MGAM: variants seen among roughly 807,000 people sequenced by gnomAD.
MGAM encodes alpha-1,4-glucosidase.
A neutral mutation model predicts 358.8 loss-of-function variants in MGAM; 253 were observed. That is an observed-to-expected ratio of 0.71 (90% CI 0.64 to 0.78). The LOEUF (loss-of-function observed/expected upper bound fraction) is 0.78, where lower values mean the gene tolerates loss of function less well. Ranked by LOEUF, MGAM falls within the 30% of genes least tolerant of loss-of-function variation. MGAM has a pLI of 0.00. For synonymous variants in MGAM, 1,105 were observed against 1,227.1 expected (o/e 0.90, Z 2.08); for missense variants, 3,080 against 3,432.6 (o/e 0.90, Z 2.57).
chr7:142,052,089 G>C (rs1442941429), intron 24 of MGAM, among the ~76,000 whole-genome samples: 1 of 152,124 alleles, frequency 6.6e-6, no homozygotes, highest in African/African-American at 2.4e-5. Flanking sequence ...ACAAGATTGT[G>C]CTAGAGGGGA....
intron 70 of MGAM, among the ~76,000 whole-genome samples, chr7:142,104,205 AG>A (rs1420818745): frequency 2.0e-5 from 3 of 152,160 alleles, no homozygotes; most frequent in African/African-American, 7.2e-5. Flanking sequence ...TTAGCCATAA[AG>A]TTTTACCTAT....
chr7:142,099,869 G>A, intron 67 of MGAM, 132 bp downstream of exon 67: 1 of 1,363,228 alleles, frequency 7.3e-7, no homozygotes, highest in Non-Finnish European at 9.8e-7. Context: ...TTCTTTGTTT[G>A]CTTGTTTGTA....
intron 16 of MGAM, 26 bp from the exon 17 acceptor site, chr7:142,036,143 T>C (rs781946632): frequency 3.3e-6 from 5 of 1,506,988 alleles, no homozygotes; most frequent in East Asian, 2.3e-5. Flanking sequence ...AAGTGAGGTA[T>C]ACCTGTTGTC....
At position 142,059,474 on chromosome 7, in the gene MGAM, T is replaced by C. The variant is rs2960758; in HGVS notation, c.3822T>C (p.Asp1274=). 508,216 of 1,495,754 alleles carry C rather than the reference T, an allele frequency of 0.34. 98,611 individuals carry two copies. Among genetic ancestry groups the C allele is most frequent in the Non-Finnish European group, 0.37 (402,114 of 1,084,284 alleles). The allele number at this position is 1,495,754 out of a possible 1,614,324, so 92.7% of individuals were successfully genotyped here. ...CAGCTCCCCATGTCCTCCCGCAGGA[T>C]GTGCAGTACTCAGACATCGACTACA... ...DEMVAAQIPY[D]VQYSDIDYME... The change falls in exon 32 of 71, where the codon GAT becomes GAC. Residue 1274 remains aspartate, a splice_region_variant and synonymous_variant. Transcript: ENST00000475668.
intron 31 of MGAM, 91 bp from the exon 32 acceptor site, chr7:142,059,381 G>C (rs563164593): frequency 6.5e-7 from 1 of 1,528,422 alleles, no homozygotes; most frequent in African/African-American, 1.4e-5. Context: ...GAAGCTGTCT[G>C]GAATTCCACC....
In MGAM at chr7:142,067,383, C is replaced by T; in HGVS notation, c.4962C>T (p.Phe1654=). Residue 1654 remains phenylalanine (F), a synonymous_variant, in exon 42 of 71, where the codon TTC becomes TTT. Coordinates refer to ENST00000475668, the MANE Select transcript of MGAM (RefSeq NM_001365693.1). Reference sequence around the variant, plus strand: ...TGACATGGGACATAGACAGTCAGTTCCTGCTGGGCCCAGCCTTCCTGGTCA... The same window carrying T: ...TGACATGGGACATAGACAGTCAGTTTCTGCTGGGCCCAGCCTTCCTGGTCA... The part of the protein sequence containing the change: ...DQVTWDIDSQ[F]LLGPAFLVSP... 1 of 1,551,822 alleles carries T rather than the reference C, an allele frequency of 6.4e-7. No individual in the cohort carries two copies. Among genetic ancestry groups the T allele is most frequent in the Non-Finnish European group, 8.9e-7 (1 of 1,129,528 alleles).
rs780575474 is a variant in MGAM at position 142,082,149 on chromosome 7, C to G, written c.6110C>G (p.Ser2037Cys). ...LYGFGETEHT[S>C]YRRDLEWHTW... ...GGCTTTGGGGAGACTGAGCACACGT[C>G]CTACAGGAGAGACTTGGAGTGGCAC... is the stretch of plus-strand genomic sequence containing the variant. The change falls in exon 51 of 71, where the codon TCC becomes TGC. Residue 2037 changes from serine (S) to cysteine (C), a missense_variant. By Grantham distance (112) the Ser-to-Cys change is moderately radical. Coordinates refer to ENST00000475668, the MANE Select transcript of MGAM (RefSeq NM_001365693.1). 247 of 1,555,622 alleles carry G rather than the reference C, an allele frequency of 1.6e-4. 8 individuals are homozygous for G. The African/African-American group carries it at 3.1e-3, about 19-fold the overall frequency.
At chr7:142,088,746 T>TATCTATCTATCC (rs1815025296) in intron 57 of MGAM, among the ~76,000 whole-genome samples, 2 of 84,502 alleles carry the variant, frequency 2.4e-5, no homozygotes, top group Non-Finnish European at 4.5e-5. Flanking sequence ...TCTGTCTGTC[T>TATCTATCTATCC]GTCTATCTAT....
Position 142,069,284 on chromosome 7 carries a change from C to T in MGAM, c.5061+581C>T, listed in dbSNP as rs190062306. ...GCAAGTGCATTTAGAAATGAGGAAG[C>T]AATGAAGAGCTCCTTGCCGCATAGT... is the stretch of plus-strand genomic sequence containing the variant. On this transcript the variant is annotated intron_variant, in intron 43 of 70. Coordinates refer to ENST00000475668, the MANE Select transcript of MGAM (RefSeq NM_001365693.1). 3.4e-5 allele frequency among the ~76,000 whole-genome samples: 5 copies of T among 145,830 alleles called. No homozygotes were observed. In the East Asian group the frequency reaches 1.0e-3, roughly 30 times the overall value.
chr7:142,079,604 AT>A (rs1239701481), intron 49 of MGAM, among the ~76,000 whole-genome samples: 2 of 146,156 alleles, frequency 1.4e-5, no homozygotes, highest in East Asian at 4.0e-4. Context: ...ATTTAATTGC[AT>A]TTAAAGACTA....
In MGAM at chr7:142,052,997, C is replaced by T. The variant is rs1295426156; in HGVS notation, c.3159+13C>T. ...GCTGCAGTTCAAGGTAAACACAGTA[C>T]ATGTATCAGGTAGTGATTAGACCCT... On this transcript the variant is annotated intron_variant, in intron 26 of 70. Coordinates refer to ENST00000475668, the MANE Select transcript of MGAM (RefSeq NM_001365693.1). 8.7e-6 allele frequency: 14 copies of T among 1,612,350 alleles called. No individual in the cohort carries two copies. In the East Asian group the frequency reaches 1.6e-4, roughly 18 times the overall value.
rs997547129 is a variant in MGAM, at chr7:142,034,835, C to A, written c.1953C>A (p.Ile651=). 2 of 1,611,502 alleles carry A rather than the reference C, an allele frequency of 1.2e-6. No homozygotes were observed. The highest frequency in any genetic ancestry group is 1.7e-6 in the Non-Finnish European group (2 of 1,178,458). Residue 651 remains isoleucine, a synonymous_variant, in exon 16 of 71, where the codon ATC becomes ATA. Transcript: ENST00000475668. ...TGCTTGAGTTCAACCTTTTTGGCAT[C>A]CCAATGGTGAGCTGCTACCTCAAGC... The part of the protein sequence containing the change: ...PGVLEFNLFG[I]PMVGPDICGF...
chr7:141,986,596 G>A (rs543852510), intron 2 of MGAM, among the ~76,000 whole-genome samples: 2 of 152,214 alleles, frequency 1.3e-5, no homozygotes, highest in East Asian at 3.9e-4. Context: ...TTTTTCCCTT[G>A]GGGTAGGGGA....
Position 142,063,596 on chromosome 7 carries a change from C to T in MGAM, c.4345+10C>T, listed in dbSNP as rs768166937. 1 of 1,611,740 alleles carries T rather than the reference C, an allele frequency of 6.2e-7. No homozygotes were observed. Among genetic ancestry groups the T allele is most frequent in the African/African-American group, 1.3e-5 (1 of 74,890 alleles). ...CCTCCCTACATGCCACGTAAGAAGC[C>T]TTGGCCTCCTTGACTGGCAGAGCCA... is the stretch of plus-strand genomic sequence containing the variant. On this transcript the variant is annotated intron_variant, in intron 36 of 70. Coordinates refer to ENST00000475668, the MANE Select transcript of MGAM (RefSeq NM_001365693.1).
At chr7:142,060,125 G>C (rs1265933661) in intron 33 of MGAM, among the ~76,000 whole-genome samples, 159 bp downstream of exon 33, 2 of 152,240 alleles carry the variant, frequency 1.3e-5, no homozygotes, top group African/African-American at 4.8e-5. Flanking sequence ...AATATTTGTT[G>C]ATACAATTAA....
upstream of MGAM, chr7:141,995,838 A>G (rs1412800201): frequency 6.6e-6 from 1 of 152,216 alleles, no homozygotes; most frequent in African/African-American, 2.4e-5. Context: ...AATAGTTACC[A>G]GATCTTTGGT....
At position 142,040,788 on chromosome 7, in the gene MGAM, C is replaced by T; in HGVS notation, c.2440C>T (p.His814Tyr). The change falls in exon 21 of 71, where the codon CAC (histidine) becomes TAC (tyrosine). Residue 814 changes from histidine (H) to tyrosine (Y), a missense_variant. Around this residue, in one of 5 missense-constraint regions of MGAM, gnomAD observed 1,816 missense variants for 1,840.5 expected, o/e 0.99. Transcript: ENST00000475668. ...MELPGDKIGL[H>Y]LRGGYIFPTQ... is the part of the protein sequence containing the mutation. ...ACTTCCTGGAGACAAAATTGGACTT[C>T]ACCTTCGAGGAGGCTACATCTTCCC... 1 of 1,613,320 alleles carries T rather than the reference C, an allele frequency of 6.2e-7. No homozygotes were observed. The highest frequency in any genetic ancestry group is 8.5e-7 in the Non-Finnish European group (1 of 1,179,480).
chr7:142,060,226 C>A, intron 33 of MGAM, 85 bp from the exon 34 acceptor site: 1 of 1,548,482 alleles, frequency 6.5e-7, no homozygotes, highest in Admixed American at 1.8e-5. Context: ...CTCCTAGGAG[C>A]ACGGTTTGTA....
chr7:141,998,197 A>G (rs1804426031), intron 1 of MGAM, among the ~76,000 whole-genome samples: 1 of 152,200 alleles, frequency 6.6e-6, no homozygotes, highest in Non-Finnish European at 1.5e-5. Flanking sequence ...ATTCAAGAAG[A>G]AAAAAATTCT....
Sources: allele counts gnomAD v4.1 joint callset (sites outside exome capture counted in the v4.1 genomes callset), GRCh38; gene constraint gnomAD v4.1.1; regional missense constraint gnomAD v4.1.1; transcripts MANE v1.5; gene names NCBI Gene and HGNC (gene_info 2026-07-23, HGNC 2026-07-21).